SLC26A4: variants seen among roughly 807,000 people sequenced by gnomAD.
The protein encoded by SLC26A4 is pendrin.
SLC26A4 carries 93 observed loss-of-function variants against 90.4 expected under a neutral mutation model. That is an observed-to-expected ratio of 1.03 (90% CI 0.87 to 1.22). SLC26A4 has a LOEUF of 1.22. Ranked by LOEUF, SLC26A4 falls within the 50% of genes most tolerant of loss-of-function variation. SLC26A4 has a pLI of 0.00. For synonymous variants in SLC26A4, 393 were observed against 354.6 expected (o/e 1.11, Z -1.22); for missense variants, 1,127 against 946.2 (o/e 1.19, Z -2.51).
chr7:107,664,270 C>T (rs1192259215), intron 3 of SLC26A4, among the ~76,000 whole-genome samples: 1 of 151,974 alleles, frequency 6.6e-6, no homozygotes, highest in African/African-American at 2.4e-5. Flanking sequence ...TGCTCTGTCA[C>T]CCAGGCTGGT....
intron 3 of SLC26A4, among the ~76,000 whole-genome samples, chr7:107,666,635 A>C (rs1790723352): frequency 6.6e-6 from 1 of 152,200 alleles, no homozygotes; most frequent in African/African-American, 2.4e-5. Context: ...AGCAGAAAAA[A>C]AGAGTGTACC....
At chr7:107,674,477 A>G (rs1320571388) in intron 5 of SLC26A4, 129 bp downstream of exon 5, 1 of 816,540 alleles carries the variant, frequency 1.2e-6, no homozygotes, top group African/African-American at 1.7e-5. Context: ...ATTATTTTCT[A>G]AATTACGTTG....
At chr7:107,698,601 G>A (rs543487335) in intron 14 of SLC26A4, among the ~76,000 whole-genome samples, 1 of 152,280 alleles carries the variant, frequency 6.6e-6, no homozygotes, top group African/African-American at 2.4e-5. Context: ...ACAGGCGTGA[G>A]CCACTGCACC....
intron 6 of SLC26A4, among the ~76,000 whole-genome samples, chr7:107,675,325 GA>G (rs1288172828): frequency 2.1e-5 from 3 of 142,726 alleles, no homozygotes; most frequent in African/African-American, 7.7e-5. Context: ...GAAAAGAAAA[GA>G]AAAAGAAAGA....
chr7:107,695,957 G>T lies in SLC26A4; in HGVS notation c.1462G>T (p.Val488Leu). Residue 488 changes from valine to leucine, a missense_variant, in exon 13 of 21, where the codon GTG becomes TTG. Transcript: ENST00000644269. The part of the protein sequence containing the change: ...DAVIWVFTCI[V>L]SIILGLDLGL... ...GGTTATCTGGGTGTTTACGTGTATAGTGTCCATCATTCTGGGGCTGGATCT... is the reference window on the plus strand; with the variant it reads ...GGTTATCTGGGTGTTTACGTGTATATTGTCCATCATTCTGGGGCTGGATCT... 6.2e-7 allele frequency: 1 copy of T among 1,607,692 alleles called. No homozygotes were observed. The highest frequency in any genetic ancestry group is 8.5e-7 in the Non-Finnish European group (1 of 1,174,570).
In SLC26A4 at chr7:107,715,533, C is replaced by G; in HGVS notation, c.*87C>G. Reference sequence around the variant, plus strand: ...ACTATTTCTTCAGACTCAAAACACTCATTCTTTTTTCTATTAAGCCATTGA... The same window carrying G: ...ACTATTTCTTCAGACTCAAAACACTGATTCTTTTTTCTATTAAGCCATTGA... On this transcript the variant is annotated 3_prime_UTR_variant, in exon 21 of 21. Coordinates refer to ENST00000644269, the MANE Select transcript of SLC26A4 (RefSeq NM_000441.2). 3 of 993,756 alleles carry G rather than the reference C, an allele frequency of 3.0e-6. No homozygotes were observed. Among genetic ancestry groups the G allele is most frequent in the South Asian group, 2.5e-5 (2 of 78,574 alleles). The allele number at this position is 993,756 out of a possible 1,614,324, so 61.6% of individuals were successfully genotyped here. A position where few individuals can be genotyped will look rare whatever the true frequency, so the allele number is the denominator to read the frequency against.
At chr7:107,702,249 C>A (rs1247873055) in intron 17 of SLC26A4, among the ~76,000 whole-genome samples, 192 bp downstream of exon 17, 1 of 152,210 alleles carries the variant, frequency 6.6e-6, no homozygotes, top group Non-Finnish European at 1.5e-5. Context: ...ACTGGCTTCA[C>A]CACTTACTAG....
rs1167637808 is a variant in SLC26A4, at chr7:107,710,168, C to A, written c.2204C>A (p.Ser735Tyr). The A allele has an allele frequency of 1.2e-6, 2 of 1,607,762 alleles. No homozygotes were observed. The highest frequency in any genetic ancestry group is 4.5e-5 in the East Asian group (2 of 44,842). Reference sequence around the variant, plus strand: ...CTCTATCTACAGAACCAAGTGAAATCTCAAGAGGGTCAAGGTTCCATTTTA... The same window carrying A: ...CTCTATCTACAGAACCAAGTGAAATATCAAGAGGGTCAAGGTTCCATTTTA... Reference protein sequence around the residue: ...AILYLQNQVKSQEGQGSILET... With the variant: ...AILYLQNQVKYQEGQGSILET... The change falls in exon 19 of 21, where the codon TCT becomes TAT. Residue 735 changes from serine (S) to tyrosine (Y), a missense_variant. Ser to Tyr is a moderately radical substitution (Grantham distance 144). Coordinates refer to ENST00000644269, the MANE Select transcript of SLC26A4 (RefSeq NM_000441.2).
intron 8 of SLC26A4, among the ~76,000 whole-genome samples, chr7:107,684,729 A>G (rs764751699): frequency 2.6e-4 from 40 of 152,344 alleles, no homozygotes; most frequent in Non-Finnish European, 3.1e-4. Flanking sequence ...AAGTGCCTCA[A>G]GTGATTCTTG....
In SLC26A4 at chr7:107,712,564, A is replaced by G; in HGVS notation, c.2261A>G (p.Asp754Gly). 2.5e-6 allele frequency: 4 copies of G among 1,586,842 alleles called. No homozygotes were observed. The highest frequency in any genetic ancestry group is 1.7e-4 in the Middle Eastern group (1 of 6,008). The stretch of plus-strand genomic sequence containing the variant: ...ATCACTCTCATTCAGGATTGTAAAG[A>G]TACCCTTGAATTAATAGAAACAGAG... ...ETITLIQDCK[D>G]TLELIETELT... The change falls in exon 20 of 21, where the codon GAT becomes GGT. Residue 754 changes from aspartate to glycine, a missense_variant. By Grantham distance (94) the Asp-to-Gly change is moderately conservative. Coordinates refer to ENST00000644269, the MANE Select transcript of SLC26A4 (RefSeq NM_000441.2).
intron 6 of SLC26A4, among the ~76,000 whole-genome samples, chr7:107,677,888 A>G (rs745348036): frequency 6.6e-6 from 1 of 152,176 alleles, no homozygotes; most frequent in African/African-American, 2.4e-5. Context: ...AAGTTCTGGG[A>G]TTAAAGGAGT....
chr7:107,678,405 TG>T (rs1345565326), intron 6 of SLC26A4, among the ~76,000 whole-genome samples: 1 of 152,140 alleles, frequency 6.6e-6, no homozygotes, highest in Non-Finnish European at 1.5e-5. Flanking sequence ...CCAAACTAAT[TG>T]TTGACCTGGG....
chr7:107,661,783 G>A lies in SLC26A4; in HGVS notation c.142G>A (p.Glu48Lys), dbSNP rs201636911. 17 of 1,539,760 alleles carry A rather than the reference G, an allele frequency of 1.1e-5. No individual in the cohort carries two copies. The South Asian group carries it at 1.7e-4, about 15-fold the overall frequency. The change falls in exon 2 of 21, where the codon GAG becomes AAG. Residue 48 changes from glutamate to lysine, a missense_variant. By Grantham distance (56) the Glu-to-Lys change is moderately conservative (BLOSUM62 1). Transcript: ENST00000644269. This position sits in a 1 kb window ranked among gnomAD's most constrained non-coding sequence, Gnocchi z 5.1. ...RRLQERKTLR[E>K]SLAKCCSCSR... Reference sequence around the variant, plus strand: ...CCTGCAGGAGCGCAAGACGCTGCGGGAGAGCCTGGCCAAGTGCTGCAGGTA... The same window carrying A: ...CCTGCAGGAGCGCAAGACGCTGCGGAAGAGCCTGGCCAAGTGCTGCAGGTA...
At chr7:107,666,038 C>G (rs895613239) in intron 3 of SLC26A4, among the ~76,000 whole-genome samples, 19 of 152,240 alleles carry the variant, frequency 1.2e-4, no homozygotes, top group African/African-American at 4.3e-4. Context: ...AGGTATCCAG[C>G]CATGTGCACT....
chr7:107,676,552 T>C (rs1474679556), intron 6 of SLC26A4, among the ~76,000 whole-genome samples: 1 of 152,236 alleles, frequency 6.6e-6, no homozygotes, highest in Non-Finnish European at 1.5e-5. Flanking sequence ...ACATAAAGCA[T>C]GTTATTGATG....
intron 6 of SLC26A4, among the ~76,000 whole-genome samples, chr7:107,680,488 TATA>T (rs1345521035): frequency 6.8e-6 from 1 of 146,740 alleles, no homozygotes; most frequent in Non-Finnish European, 1.5e-5. Flanking sequence ...TATATTATTA[TATA>T]ATATTATTAT....
Position 107,689,039 on chromosome 7 carries a change from T to G in SLC26A4, c.1002-14T>G. 2 of 1,613,748 alleles carry G rather than the reference T, an allele frequency of 1.2e-6. No individual in the cohort carries two copies. Among genetic ancestry groups the G allele is most frequent in the Non-Finnish European group, 1.7e-6 (2 of 1,179,702 alleles). On this transcript the variant is annotated splice_polypyrimidine_tract_variant and intron_variant, in intron 8 of 20. Transcript: ENST00000644269. ...TCAAATCTTCACAGCATTTTTCACT[T>G]AAAAACTCACTAGGTTTTTGCCTCC... is the stretch of plus-strand genomic sequence containing the variant.
At chr7:107,680,346 T>G (rs1184907625) in intron 6 of SLC26A4, among the ~76,000 whole-genome samples, 1 of 140,642 alleles carries the variant, frequency 7.1e-6, no homozygotes, top group African/African-American at 2.6e-5. Flanking sequence ...TATATAATGT[T>G]ATATTATTAT....
At chr7:107,703,723 T>C (rs1439156065) in intron 17 of SLC26A4, among the ~76,000 whole-genome samples, 2 of 152,172 alleles carry the variant, frequency 1.3e-5, no homozygotes, top group African/African-American at 4.8e-5. Context: ...TGAACAGAGG[T>C]CTTGATTTGT....
Sources: gnomAD v4.1 joint callset for allele counts (sites outside exome capture counted in the v4.1 genomes callset) on GRCh38, gnomAD v4.1.1 for gene constraint, Gnocchi (gnomAD v3.1) non-coding constraint, MANE v1.5 for transcripts, NCBI Gene and HGNC (gene_info 2026-07-23, HGNC 2026-07-21) for gene names.